CETN2: variants seen among roughly 807,000 people sequenced by gnomAD.
CETN2 encodes centrin 2, also known as centrin-2.
In CETN2, 2 loss-of-function variants were observed where a neutral mutation model predicts 12.6. The observed-to-expected ratio is 0.16, with a 90% CI of 0.07 to 0.50. The LOEUF is 0.50. Among genes scored for constraint, CETN2 ranks in the 20% least tolerant of loss-of-function variants. The pLI, the probability that CETN2 is intolerant of heterozygous loss-of-function variation, is 0.96. For missense variants in CETN2, 81 were observed against 128.3 expected (o/e 0.63, Z 1.78); for synonymous variants, 41 against 43.4 (o/e 0.94, Z 0.22).
At chrX:152,829,386 T>C (rs1556843037) in intron 2 of CETN2, 109 bp from the exon 3 acceptor site, 3 of 940,849 alleles carry the variant, frequency 3.2e-6, no homozygotes, top group African/African-American at 2.0e-5. Flanking sequence ...GTTAATATGA[T>C]TGGGGAACAC....
chrX:152,829,766 T>C lies in CETN2; in HGVS notation c.4-6A>G, dbSNP rs1932985954. The stretch of plus-strand genomic sequence containing the variant: ...GCCTTCTTAAAGTTGGAGGCCTTTA[T>C]ATGTTATGCAATACACAAGCACAAT... On this transcript the variant is annotated splice_polypyrimidine_tract_variant and splice_region_variant and intron_variant, in intron 1 of 4. Coordinates refer to ENST00000370277, the MANE Select transcript of CETN2 (RefSeq NM_004344.3). 3 of 1,181,722 alleles carry C rather than the reference T, an allele frequency of 2.5e-6. No homozygotes were observed. The highest frequency in any genetic ancestry group is 3.5e-5 in the African/African-American group (2 of 57,141).
chrX:152,830,736 T>C lies in CETN2; in HGVS notation c.-26A>G. 8.6e-7 allele frequency: 1 copy of C among 1,165,357 alleles called. No individual in the cohort carries two copies. The highest frequency in any genetic ancestry group is 3.3e-5 in the East Asian group (1 of 30,648). ...AGCCAAAGGAGTCCGCTGCCGGTTG[T>C]TAGGCAACCGACGTGTACACTGACT... On this transcript the variant is annotated 5_prime_UTR_variant, in exon 1 of 5. Coordinates refer to ENST00000370277, the MANE Select transcript of CETN2 (RefSeq NM_004344.3).
rs781970083 is a variant in CETN2, at chrX:152,830,719, G to C, written c.-9C>G. On this transcript the variant is annotated 5_prime_UTR_variant, in exon 1 of 5. Coordinates refer to ENST00000370277, the MANE Select transcript of CETN2 (RefSeq NM_004344.3). ...GCGGCAGCACTCACCATAGCCAAAG[G>C]AGTCCGCTGCCGGTTGTTAGGCAAC... 8.5e-7 allele frequency: 1 copy of C among 1,174,116 alleles called. No individual in the cohort carries two copies. Among genetic ancestry groups the C allele is most frequent in the South Asian group, 1.9e-5 (1 of 52,382 alleles).
chrX:152,829,733 C>T lies in CETN2; in HGVS notation c.31G>A (p.Ala11Thr). 2 of 1,201,015 alleles carry T rather than the reference C, an allele frequency of 1.7e-6. No homozygotes were observed. The highest frequency in any genetic ancestry group is 2.3e-6 in the Non-Finnish European group (2 of 888,434). Residue 11 changes from alanine to threonine, a missense_variant, in exon 2 of 5, where the codon GCA becomes ACA. Coordinates refer to ENST00000370277, the MANE Select transcript of CETN2 (RefSeq NM_004344.3). Reference sequence around the variant, plus strand: ...ATTCTTTTTCGCTGAGAACTTGATGCCATGTTTGCCTTCTTAAAGTTGGAG... The same window carrying T: ...ATTCTTTTTCGCTGAGAACTTGATGTCATGTTTGCCTTCTTAAAGTTGGAG... MASNFKKANM[A>T]SSSQRKRMSP...
intron 3 of CETN2, 25 bp downstream of exon 3, chrX:152,829,124 C>T (rs1569470188): frequency 1.9e-5 from 23 of 1,205,497 alleles, no homozygotes; most frequent in Non-Finnish European, 2.5e-5. Context: ...GGCTCCATAC[C>T]ATGATAATTG....
rs1323712348 is a variant in CETN2, at chrX:152,829,280, A to G, written c.163-3T>C. ...AAGCCCAGGGCCCTCATTGCCACCTATAAAGAAAACAGGATCGTCTCAATA... is the reference window on the plus strand; with the variant it reads ...AAGCCCAGGGCCCTCATTGCCACCTGTAAAGAAAACAGGATCGTCTCAATA... On this transcript the variant is annotated splice_polypyrimidine_tract_variant and splice_region_variant and intron_variant, in intron 2 of 4. Transcript: ENST00000370277. The G allele has an allele frequency of 1.7e-6, 2 of 1,177,493 alleles. No homozygotes were observed. The highest frequency in any genetic ancestry group is 2.3e-6 in the Non-Finnish European group (2 of 882,984).
chrX:152,829,309 A>T (rs1388622604), intron 2 of CETN2, 32 bp from the exon 3 acceptor site: 2 of 1,159,305 alleles, frequency 1.7e-6, no homozygotes, highest in Non-Finnish European at 2.3e-6. Context: ...CTCAATAAGC[A>T]CATCTAAAGT....
At chrX:152,830,635 C>CGGCGTGGCCGAGCTGGGGCCTGGGAAG in intron 1 of CETN2, 73 bp downstream of exon 1, 1 of 1,121,272 alleles carries the variant, frequency 8.9e-7, no homozygotes, top group South Asian at 2.1e-5. Flanking sequence ...GCAGGAGAGG[C>CGGCGTGGCCGAGCTGGGGCCTGGGAAG]GGCGTGGCCG....
intron 1 of CETN2, among the ~76,000 whole-genome samples, 197 bp from the exon 2 acceptor site, chrX:152,829,957 T>C (rs1000558690): frequency 2.9e-4 from 32 of 112,019 alleles, no homozygotes; most frequent in African/African-American, 1.0e-3. Context: ...CTCCCTTTTC[T>C]TTACTGTTGT....
At chrX:152,830,616 G>A in intron 1 of CETN2, 92 bp downstream of exon 1, 4 of 1,063,289 alleles carry the variant, frequency 3.8e-6, no homozygotes, top group Non-Finnish European at 5.1e-6. Flanking sequence ...CGCTAAAGCC[G>A]AGAAAGGCGC....
At chrX:152,829,414 T>A in intron 2 of CETN2, 137 bp from the exon 3 acceptor site, 1 of 903,437 alleles carries the variant, frequency 1.1e-6, no homozygotes, top group Non-Finnish European at 1.5e-6. Context: ...TTGATCTAAT[T>A]GATATTTGCA....
intron 4 of CETN2, among the ~76,000 whole-genome samples, chrX:152,828,289 G>A (rs1932970603): frequency 8.9e-6 from 1 of 112,226 alleles, no homozygotes; most frequent in African/African-American, 3.2e-5. Context: ...GAGGGACCTT[G>A]AAGATTGCCT....
intron 4 of CETN2, 46 bp downstream of exon 4, chrX:152,828,491 G>T (rs782593291): frequency 2.7e-5 from 32 of 1,168,125 alleles, no homozygotes; most frequent in Non-Finnish European, 3.6e-5. Context: ...AGTCACAGAG[G>T]GCTCAAAGGT....
chrX:152,828,020 T>G, intron 4 of CETN2, 90 bp from the exon 5 acceptor site: 1 of 707,849 alleles, frequency 1.4e-6, no homozygotes, highest in Non-Finnish European at 2.1e-6. Context: ...AGATGGGGTC[T>G]CTATGCTGCC....
chrX:152,827,989 AAT>A, intron 4 of CETN2, 59 bp from the exon 5 acceptor site: 1 of 1,001,383 alleles, frequency 1.0e-6, no homozygotes, highest in South Asian at 2.1e-5. Flanking sequence ...GTGACTAAGT[AAT>A]AGACTTTTTT....
intron 4 of CETN2, 132 bp from the exon 5 acceptor site, chrX:152,828,062 A>T (rs1402655660): frequency 6.0e-6 from 3 of 498,708 alleles, no homozygotes; most frequent in Non-Finnish European, 9.9e-6. Flanking sequence ...GCCACAAGAG[A>T]TCCTCCTGCC....
intron 1 of CETN2, 23 bp downstream of exon 1, chrX:152,830,685 C>A (rs781833035): frequency 1.7e-6 from 2 of 1,176,157 alleles, no homozygotes; most frequent in Non-Finnish European, 2.3e-6. Flanking sequence ...GGGCGTGGGG[C>A]GCGACAGAGC....
intron 2 of CETN2, 45 bp from the exon 3 acceptor site, chrX:152,829,322 C>G: frequency 1.7e-6 from 2 of 1,146,914 alleles, no homozygotes; most frequent in Non-Finnish European, 2.3e-6. Context: ...TCTAAAGTAG[C>G]AGGAGCAAAA....
chrX:152,828,438 T>G lies in CETN2; in HGVS notation c.429+99A>C, dbSNP rs1434292452. ...TGCAGAGGGACAAAGTACACTGGCT[T>G]TTCTTCAAAGAGGTGCTCACACTAG... is the stretch of plus-strand genomic sequence containing the variant. On this transcript the variant is annotated intron_variant, in intron 4 of 4. Coordinates refer to ENST00000370277, the MANE Select transcript of CETN2 (RefSeq NM_004344.3). The G allele has an allele frequency of 2.1e-5, 20 of 947,128 alleles. No individual in the cohort carries two copies. The East Asian group carries it at 6.2e-4, about 29-fold the overall frequency. The allele number at this position is 947,128 out of a possible 1,213,427, so 78.1% of individuals were successfully genotyped here.
Sources: allele counts gnomAD v4.1 joint callset (sites outside exome capture counted in the v4.1 genomes callset), GRCh38; gene constraint gnomAD v4.1.1; transcripts MANE v1.5; gene names NCBI Gene and HGNC (gene_info 2026-07-23, HGNC 2026-07-21).